Variants in CNTN5 observed in about 807,000 individuals in gnomAD.
The protein encoded by CNTN5 is contactin-5.
In CNTN5, 77 loss-of-function variants were observed where a neutral mutation model predicts 129.1. The ratio of observed to expected loss-of-function variants is 0.60; its 90% CI spans 0.50 to 0.72. CNTN5 has a LOEUF of 0.72. CNTN5 is among the 30% of genes least tolerant of loss of function. The probability of loss-of-function intolerance (pLI) is 0.00; values close to 1 mark genes in which losing one functional copy is unlikely to be tolerated. For synonymous variants in CNTN5, 509 were observed against 465.6 expected, an observed-to-expected ratio of 1.09 and a Z score of -1.20; for missense variants, 1,478 against 1,328.8, an observed-to-expected ratio of 1.11 and a Z score of -1.75.
At chr11:99,749,021 T>C (rs1339202342) in intron 3 of CNTN5, among the ~76,000 whole-genome samples, 2 of 152,208 alleles carry the variant, frequency 1.3e-5, no homozygotes, top group African/African-American at 4.8e-5. Context: ...ATTCAGTCTT[T>C]CCAGAGGTGG....
chr11:99,407,143 C>T (rs1350953754), intron 2 of CNTN5, among the ~76,000 whole-genome samples: 27 of 152,102 alleles, frequency 1.8e-4, no homozygotes, highest in Admixed American at 1.7e-3. Flanking sequence ...ATAGCCACCA[C>T]ATCTGGGAAT....
intron 1 of CNTN5, among the ~76,000 whole-genome samples, chr11:99,026,712 CA>C (rs1333058538): frequency 6.6e-6 from 1 of 151,422 alleles, no homozygotes; most frequent in Middle Eastern, 3.2e-3. Context: ...CACTAATAAG[CA>C]AGGGTATAAA....
intron 3 of CNTN5, among the ~76,000 whole-genome samples, chr11:99,623,586 A>G (rs1272953897): frequency 1.3e-5 from 2 of 152,062 alleles, no homozygotes; most frequent in African/African-American, 4.8e-5. Flanking sequence ...AAAATGAAGA[A>G]GGCCATATTC....
chr11:100,333,154 A>G (rs184211716), intron 21 of CNTN5, among the ~76,000 whole-genome samples: 351 of 152,320 alleles, frequency 2.3e-3, no homozygotes, highest in Middle Eastern at 0.01. Flanking sequence ...CTGAGAATCA[A>G]ATCAAGAGCT....
chr11:100,269,049 G>A (rs1448334269), intron 17 of CNTN5, among the ~76,000 whole-genome samples: 1 of 152,138 alleles, frequency 6.6e-6, no homozygotes, highest in Non-Finnish European at 1.5e-5. Flanking sequence ...ATAAGAAAAT[G>A]GAAAACAGTA....
At position 100,156,494 on chromosome 11, in the gene CNTN5, T is replaced by A. The variant is rs910218590; in HGVS notation, c.1581-34632T>A. On this transcript the variant is annotated intron_variant, in intron 13 of 24. Coordinates refer to ENST00000524871, the MANE Select transcript of CNTN5 (RefSeq NM_014361.4). ...TTGTTGTGCCTCTGCCTGGTTTTGG[T>A]ATCAGGATGATGCTGGCCTCATAAA... is the stretch of plus-strand genomic sequence containing the variant. Among the ~76,000 whole-genome samples the A allele has an allele frequency of 2.6e-5, 4 of 152,064 alleles. No homozygotes were observed. The East Asian group carries it at 7.8e-4, about 30-fold the overall frequency.
rs561773593 is a variant in CNTN5, at chr11:99,222,523, T to C, written c.-209-102823T>C. 5.9e-5 allele frequency among the ~76,000 whole-genome samples: 9 copies of C among 152,186 alleles called. No individual in the cohort carries two copies. The South Asian group carries it at 1.2e-3, about 21-fold the overall frequency. ...TAAAATAGAATTTTCAAATCAACCT[T>C]ATGAACATTTTCAAAAGGTAAATAA... On this transcript the variant is annotated intron_variant, in intron 1 of 24. Transcript: ENST00000524871.
intron 3 of CNTN5, among the ~76,000 whole-genome samples, chr11:99,763,698 C>T (rs1944660976): frequency 6.6e-6 from 1 of 152,068 alleles, no homozygotes; most frequent in African/African-American, 2.4e-5. Flanking sequence ...TTAATTTAAG[C>T]AGCTGCTTAC....
chr11:100,263,102 G>A (rs1016978685), intron 17 of CNTN5, among the ~76,000 whole-genome samples: 4 of 152,024 alleles, frequency 2.6e-5, no homozygotes, highest in African/African-American at 7.2e-5. Flanking sequence ...CTGTCCAGCA[G>A]GGATATGTAA....
chr11:100,351,855 T>C (rs779832717), intron 24 of CNTN5, among the ~76,000 whole-genome samples: 1 of 151,472 alleles, frequency 6.6e-6, no homozygotes, highest in Non-Finnish European at 1.5e-5. Flanking sequence ...TGTGGCCCTA[T>C]GTTATTTAAC....
rs185849571 is a variant in CNTN5, at chr11:100,018,794, A to C, written c.980+16658A>C. Among the ~76,000 whole-genome samples the C allele has an allele frequency of 1.7e-3, 265 of 152,066 alleles. 1 individual carries two copies. The highest frequency in any genetic ancestry group is 5.6e-3 in the African/African-American group (232 of 41,558). Reference sequence around the variant, plus strand: ...ACTATTTTGCATTATTATTAGCAGCAGTGTTGGAGAGTCCAAGTACCTCCA... The same window carrying C: ...ACTATTTTGCATTATTATTAGCAGCCGTGTTGGAGAGTCCAAGTACCTCCA... On this transcript the variant is annotated intron_variant, in intron 9 of 24. Coordinates refer to ENST00000524871, the MANE Select transcript of CNTN5 (RefSeq NM_014361.4).
chr11:99,432,474 T>C lies in CNTN5; in HGVS notation c.-71+106990T>C, dbSNP rs141600906. Reference sequence around the variant, plus strand: ...TCTTTTCTTTTCTTTCCTTTTCTTTTCTTTTCTTTTCTTTTCTTTTCTTTC... The same window carrying C: ...TCTTTTCTTTTCTTTCCTTTTCTTTCCTTTTCTTTTCTTTTCTTTTCTTTC... On this transcript the variant is annotated intron_variant, in intron 2 of 24. Coordinates refer to ENST00000524871, the MANE Select transcript of CNTN5 (RefSeq NM_014361.4). Among the ~76,000 whole-genome samples the C allele has an allele frequency of 2.2e-3, 304 of 138,120 alleles. 2 individuals are homozygous for C. Among genetic ancestry groups the C allele is most frequent in the African/African-American group, 7.6e-3 (284 of 37,524 alleles). 90.6% of individuals were successfully genotyped at this position (138,120 alleles called of 152,430 possible).
intron 3 of CNTN5, among the ~76,000 whole-genome samples, chr11:99,724,830 CAA>C: frequency 6.6e-6 from 1 of 152,104 alleles, no homozygotes; most frequent in Non-Finnish European, 1.5e-5. Context: ...TGTTTGATGA[CAA>C]AAGTAGGTTA....
chr11:99,742,108 A>G (rs1943905838), intron 3 of CNTN5, among the ~76,000 whole-genome samples: 1 of 152,184 alleles, frequency 6.6e-6, no homozygotes, highest in Non-Finnish European at 1.5e-5. Context: ...CCATGTAATT[A>G]TAACACAACC....
At chr11:99,490,139 G>A (rs770685772) in intron 2 of CNTN5, among the ~76,000 whole-genome samples, 74 of 152,036 alleles carry the variant, frequency 4.9e-4, no homozygotes, top group Admixed American at 1.1e-3. Context: ...TATTTAATAT[G>A]CTTATACCTT....
At position 99,687,785 on chromosome 11, in the gene CNTN5, G is replaced by A. The variant is rs145297375; in HGVS notation, c.55+131516G>A. On this transcript the variant is annotated intron_variant, in intron 3 of 24. Coordinates refer to ENST00000524871, the MANE Select transcript of CNTN5 (RefSeq NM_014361.4). ...TATTCAGTTACTTGCAAAAGTCTTG[G>A]TAATATGTCTTGATGTAGCATATTG... Among the ~76,000 whole-genome samples, 377 of 152,296 alleles carry A rather than the reference G, an allele frequency of 2.5e-3. 2 individuals are homozygous for A. The highest frequency in any genetic ancestry group is 8.6e-3 in the African/African-American group (358 of 41,562).
intron 1 of CNTN5, among the ~76,000 whole-genome samples, chr11:99,170,152 A>G (rs1421766286): frequency 1.3e-5 from 2 of 152,126 alleles, no homozygotes; most frequent in Admixed American, 1.3e-4. Context: ...TTTTGTGTAT[A>G]TATGGCTTAC....
At chr11:99,765,716 T>G (rs889313494) in intron 3 of CNTN5, among the ~76,000 whole-genome samples, 1 of 151,498 alleles carries the variant, frequency 6.6e-6, no homozygotes, top group South Asian at 2.1e-4. Flanking sequence ...TAGAAGAGTC[T>G]ACACCTTTTT....
chr11:99,066,286 T>G (rs1371688443), intron 1 of CNTN5, among the ~76,000 whole-genome samples: 1 of 151,924 alleles, frequency 6.6e-6, no homozygotes, highest in Non-Finnish European at 1.5e-5. Context: ...TGTATTTTAC[T>G]GGAGATGGGG....
Sources: allele counts gnomAD v4.1 joint callset (sites outside exome capture counted in the v4.1 genomes callset), GRCh38; gene constraint gnomAD v4.1.1; transcripts MANE v1.5; gene names NCBI Gene and HGNC (gene_info 2026-07-23, HGNC 2026-07-21).